The following TDRD7 variants were observed in gnomAD, a reference collection of about 807,000 sequenced individuals.
TDRD7 encodes tudor domain-containing protein 7.
Under a neutral mutation model 109.8 loss-of-function variants are expected in TDRD7, and 47 were observed. The observed-to-expected ratio is 0.43, with a 90% CI of 0.34 to 0.55. TDRD7 has a LOEUF of 0.55. TDRD7 is among the 20% of genes least tolerant of loss of function. TDRD7 has a pLI of 0.03. For missense variants in TDRD7, 1,164 were observed against 1,319.2 expected (o/e 0.88, Z 1.82); for synonymous variants, 424 against 457.3 (o/e 0.93, Z 0.93).
chr9:97,488,876 T>G (rs1163655082), intron 16 of TDRD7, among the ~76,000 whole-genome samples: 1 of 152,240 alleles, frequency 6.6e-6, no homozygotes, highest in Non-Finnish European at 1.5e-5. Context: ...CTGAAAATAC[T>G]TTTTCATTTC....
intron 6 of TDRD7, among the ~76,000 whole-genome samples, chr9:97,453,014 C>T (rs1828526035): frequency 6.6e-6 from 1 of 152,164 alleles, no homozygotes; most frequent in African/African-American, 2.4e-5. Context: ...ATCCCAGATT[C>T]TCAGTACACT....
intron 1 of TDRD7, 146 bp from the exon 2 acceptor site, chr9:97,428,314 A>G: frequency 5.0e-6 from 4 of 797,488 alleles, no homozygotes; most frequent in Non-Finnish European, 6.2e-6. Flanking sequence ...GCTTTTCTCT[A>G]CCGTGGCAGT....
chr9:97,495,639 C>A, intron 16 of TDRD7, 24 bp from the exon 17 acceptor site: 3 of 1,607,072 alleles, frequency 1.9e-6, no homozygotes. Context: ...TCACTGCTCC[C>A]TCTTCTTCCT....
chr9:97,444,873 T>G (rs1157216564), intron 6 of TDRD7, among the ~76,000 whole-genome samples: 3 of 152,200 alleles, frequency 2.0e-5, no homozygotes, highest in African/African-American at 4.8e-5. Flanking sequence ...AGGGACCAAA[T>G]AGCAGCTTTG....
At chr9:97,441,530 C>T (rs1444453502) in intron 5 of TDRD7, 128 bp from the exon 6 acceptor site, 2 of 779,244 alleles carry the variant, frequency 2.6e-6, no homozygotes, top group South Asian at 1.6e-5. Context: ...TAATCCTGCT[C>T]CCTTCTAAGT....
chr9:97,474,005 G>A (rs569571602), intron 11 of TDRD7, among the ~76,000 whole-genome samples: 5 of 152,122 alleles, frequency 3.3e-5, no homozygotes, highest in Non-Finnish European at 7.4e-5. Context: ...CCTTAGGCAA[G>A]GAGAAACCTT....
chr9:97,428,098 A>C (rs1385521243), intron 1 of TDRD7, among the ~76,000 whole-genome samples: 3 of 151,974 alleles, frequency 2.0e-5, no homozygotes, highest in Non-Finnish European at 4.4e-5. Context: ...ACCTCTGTGC[A>C]CTCGCACATC....
intron 16 of TDRD7, among the ~76,000 whole-genome samples, chr9:97,489,390 T>C (rs1829264204): frequency 6.6e-6 from 1 of 152,232 alleles, no homozygotes; most frequent in African/African-American, 2.4e-5. Flanking sequence ...TCTACCATTA[T>C]GTAATGCCCC....
chr9:97,490,184 A>G (rs1478998996), intron 16 of TDRD7, among the ~76,000 whole-genome samples: 1 of 152,190 alleles, frequency 6.6e-6, no homozygotes, highest in Non-Finnish European at 1.5e-5. Context: ...GTCGATATTA[A>G]TTTCTGACCT....
At chr9:97,418,107 A>G (rs1480397440) in intron 1 of TDRD7, among the ~76,000 whole-genome samples, 1 of 152,208 alleles carries the variant, frequency 6.6e-6, no homozygotes, top group Non-Finnish European at 1.5e-5. Context: ...CCTGGGTGAC[A>G]GAGCAAGACT....
Position 97,443,410 on chromosome 9 carries a change from A to G in TDRD7, c.855+1535A>G, listed in dbSNP as rs563627259. 4.6e-5 allele frequency among the ~76,000 whole-genome samples: 7 copies of G among 152,324 alleles called. No homozygotes were observed. The South Asian group carries it at 1.5e-3, about 32-fold the overall frequency. Reference sequence around the variant, plus strand: ...TTTCCCTACTAATAAACTCAAGAACAATTAATATTCGTAAGAATGTGACCT... The same window carrying G: ...TTTCCCTACTAATAAACTCAAGAACGATTAATATTCGTAAGAATGTGACCT... On this transcript the variant is annotated intron_variant, in intron 6 of 16. Coordinates refer to ENST00000355295, the MANE Select transcript of TDRD7 (RefSeq NM_014290.3).
At chr9:97,453,149 AC>A (rs1828529531) in intron 6 of TDRD7, among the ~76,000 whole-genome samples, 1 of 152,224 alleles carries the variant, frequency 6.6e-6, no homozygotes, top group Admixed American at 6.5e-5. Context: ...GTTATCGTCC[AC>A]TGAAAGTAGT....
intron 6 of TDRD7, among the ~76,000 whole-genome samples, chr9:97,454,981 C>A (rs1030010326): frequency 1.3e-5 from 2 of 151,988 alleles, no homozygotes; most frequent in South Asian, 2.1e-4. Flanking sequence ...CAATAAAAAA[C>A]GATAAAGGGG....
In TDRD7 at chr9:97,460,194, G is replaced by A; in HGVS notation, c.872G>A (p.Ser291Asn). The A allele has an allele frequency of 1.2e-6, 2 of 1,614,198 alleles. No individual in the cohort carries two copies. The highest frequency in any genetic ancestry group is 1.7e-6 in the Non-Finnish European group (2 of 1,180,026). Residue 291 changes from serine to asparagine, a missense_variant, in exon 7 of 17, where the codon AGT (serine) becomes AAT (asparagine). Ser to Asn is a conservative substitution (Grantham distance 46, BLOSUM62 1). Coordinates refer to ENST00000355295, the MANE Select transcript of TDRD7 (RefSeq NM_014290.3). ...AAATTTCAGGTGGAGAAACCTTGCA[G>A]TGGTGGCCAAGATTTACTTCTTTAT... ...PHICTVEKPC[S>N]GGQDLLLYPA...
At chr9:97,468,032 A>G (rs889601491) in intron 8 of TDRD7, among the ~76,000 whole-genome samples, 1 of 152,254 alleles carries the variant, frequency 6.6e-6, no homozygotes, top group Non-Finnish European at 1.5e-5. Context: ...GAGAAAAACC[A>G]TTGTGGAGAA....
intron 8 of TDRD7, among the ~76,000 whole-genome samples, chr9:97,467,835 A>T (rs1828844496): frequency 6.6e-6 from 1 of 152,220 alleles, no homozygotes; most frequent in South Asian, 2.1e-4. Flanking sequence ...GCTACCTTGT[A>T]ACCTGGATTA....
intron 16 of TDRD7, among the ~76,000 whole-genome samples, chr9:97,489,736 A>G (rs964146798): frequency 2.6e-5 from 4 of 151,134 alleles, no homozygotes; most frequent in African/African-American, 9.7e-5. Context: ...TTTTGTCATT[A>G]CTCTTTTTCT....
chr9:97,415,246 T>C (rs1156711563), intron 1 of TDRD7, among the ~76,000 whole-genome samples: 1 of 152,180 alleles, frequency 6.6e-6, no homozygotes, highest in East Asian at 1.9e-4. Flanking sequence ...TTGGAAATAG[T>C]TGAGCAAGAA....
In TDRD7 at chr9:97,432,015, A is replaced by G. The variant is rs201833921; in HGVS notation, c.350-10A>G. The G allele has an allele frequency of 6.0e-5, 97 of 1,613,400 alleles. 2 individuals carry two copies. The East Asian group carries it at 1.9e-3, about 32-fold the overall frequency. On this transcript the variant is annotated splice_polypyrimidine_tract_variant and intron_variant, in intron 3 of 16. Coordinates refer to ENST00000355295, the MANE Select transcript of TDRD7 (RefSeq NM_014290.3). ...CTAATTGATTTCGTTATGTATGCCT[A>G]ACTTCATAGGAAAACCAAAAGCAAC...
Sources: allele counts gnomAD v4.1 joint callset (sites outside exome capture counted in the v4.1 genomes callset), GRCh38; gene constraint gnomAD v4.1.1; transcripts MANE v1.5; gene names NCBI Gene and HGNC (gene_info 2026-07-23, HGNC 2026-07-21).